CSMD1: variants seen among roughly 807,000 people sequenced by gnomAD.
CSMD1 encodes the protein CUB and Sushi multiple domains 1, also known as CUB and sushi domain-containing protein 1.
A neutral mutation model predicts 417.5 loss-of-function variants in CSMD1; 213 were observed. That is an observed-to-expected ratio of 0.51 (90% CI 0.46 to 0.57). The LOEUF is 0.57. Among genes scored for constraint, CSMD1 ranks in the 20% least tolerant of loss-of-function variants. The pLI, the probability that CSMD1 is intolerant of heterozygous loss-of-function variation, is 0.00. For missense variants in CSMD1, 6,923 were observed against 4,529.7 expected (o/e 1.53, Z -15.17); for synonymous variants, 2,862 against 1,736.8 (o/e 1.65, Z -16.11).
At chr8:4,239,116 G>C (rs1306775380) in intron 3 of CSMD1, among the ~76,000 whole-genome samples, 3 of 152,170 alleles carry the variant, frequency 2.0e-5, no homozygotes, top group Non-Finnish European at 4.4e-5. Context: ...GGGAGATTAT[G>C]TGGGTTAAAA....
At chr8:4,929,187 G>C (rs55755064) in intron 1 of CSMD1, among the ~76,000 whole-genome samples, 2 of 152,050 alleles carry the variant, frequency 1.3e-5, no homozygotes, top group South Asian at 2.1e-4. Flanking sequence ...CCTGCAAAGG[G>C]AACAGAGCAC....
intron 6 of CSMD1, among the ~76,000 whole-genome samples, chr8:3,710,772 C>T (rs145390590): frequency 1.0e-3 from 159 of 152,254 alleles, no homozygotes; most frequent in East Asian, 9.5e-3. Flanking sequence ...AATTATGACA[C>T]CGCCAGCTCA....
intron 38 of CSMD1, among the ~76,000 whole-genome samples, chr8:3,159,677 A>C (rs1240065487): frequency 1.3e-5 from 2 of 152,240 alleles, no homozygotes; most frequent in Non-Finnish European, 2.9e-5. Context: ...TTGCAAACTC[A>C]AAGCTTGGCA....
chr8:3,181,837 C>T (rs780181911), intron 36 of CSMD1, among the ~76,000 whole-genome samples: 8 of 152,156 alleles, frequency 5.3e-5, no homozygotes, highest in Non-Finnish European at 1.0e-4. Context: ...AAGGGCAATA[C>T]AGATACCGAG....
intron 3 of CSMD1, among the ~76,000 whole-genome samples, chr8:4,270,946 G>C (rs973397745): frequency 1.3e-5 from 2 of 152,142 alleles, no homozygotes; most frequent in African/African-American, 2.4e-5. Context: ...TAGAGAGAGA[G>C]GGAGCACTTT....
At chr8:3,629,309 A>ATTATT (rs55894547) in intron 7 of CSMD1, among the ~76,000 whole-genome samples, 60,231 of 144,374 alleles carry the variant, frequency 0.42, 12,227 homozygotes, top group Middle Eastern at 0.59. Flanking sequence ...CTTACTTAAT[A>ATTATT]TTATTTTCTT....
At chr8:4,392,460 A>G (rs1324627670) in intron 3 of CSMD1, among the ~76,000 whole-genome samples, 6 of 152,174 alleles carry the variant, frequency 3.9e-5, no homozygotes, top group Non-Finnish European at 8.8e-5. Flanking sequence ...AAGAATTATC[A>G]GTCCATTGGC....
At chr8:3,675,259 A>T (rs1477454130) in intron 7 of CSMD1, among the ~76,000 whole-genome samples, 2 of 152,126 alleles carry the variant, frequency 1.3e-5, no homozygotes, top group African/African-American at 4.8e-5. Flanking sequence ...CCTGGCTGGC[A>T]TGTGCGTGCC....
intron 3 of CSMD1, among the ~76,000 whole-genome samples, chr8:4,103,483 CAT>C (rs1251857001): frequency 6.7e-6 from 1 of 150,342 alleles, no homozygotes; most frequent in African/African-American, 2.4e-5. Flanking sequence ...AAGGGTTTTA[CAT>C]ATATATAAAT....
At chr8:3,120,845 CAAAT>C (rs1563063972) in intron 41 of CSMD1, among the ~76,000 whole-genome samples, 1 of 151,878 alleles carries the variant, frequency 6.6e-6, no homozygotes, top group African/African-American at 2.4e-5. Context: ...GACTCCATCA[CAAAT>C]AAATAAATAA....
intron 2 of CSMD1, among the ~76,000 whole-genome samples, chr8:4,544,289 G>C (rs756679171): frequency 1.3e-5 from 2 of 152,074 alleles, no homozygotes; most frequent in African/African-American, 4.8e-5. Flanking sequence ...GTTACTGTTT[G>C]TAAGAGGTCT....
intron 2 of CSMD1, among the ~76,000 whole-genome samples, chr8:4,556,844 G>C (rs1037845601): frequency 2.0e-5 from 3 of 152,090 alleles, no homozygotes; most frequent in South Asian, 2.1e-4. Flanking sequence ...TAGGATTTGG[G>C]ATGTGTAACT....
At chr8:3,533,781 A>T (rs1415085848) in intron 10 of CSMD1, among the ~76,000 whole-genome samples, 1 of 152,154 alleles carries the variant, frequency 6.6e-6, no homozygotes, top group African/African-American at 2.4e-5. Flanking sequence ...TTACTCTTGT[A>T]ACTATCACAA....
rs776738987 is a variant in CSMD1 at position 3,396,241 on chromosome 8, G to C, written c.2546C>G (p.Thr849Ser). ...STGNFMYLLF[T>S]TDNSRSSIGF... ...GATGCTGGAGCGGCTGTTGTCAGTGGTGAACAGCAGGTACATGAAGTTCCC... is the reference window on the plus strand; with the variant it reads ...GATGCTGGAGCGGCTGTTGTCAGTGCTGAACAGCAGGTACATGAAGTTCCC... Residue 849 changes from threonine (T) to serine (S), a missense_variant, in exon 17 of 70, where the codon ACC (threonine) becomes AGC (serine). Thr to Ser is a moderately conservative substitution (Grantham distance 58, BLOSUM62 1). Coordinates refer to ENST00000635120, the MANE Select transcript of CSMD1 (RefSeq NM_033225.6). The C allele has an allele frequency of 6.3e-7, 1 of 1,575,946 alleles. No homozygotes were observed. Among genetic ancestry groups the C allele is most frequent in the Non-Finnish European group, 8.6e-7 (1 of 1,160,646 alleles).
At chr8:3,380,777 A>C (rs781229992) in intron 18 of CSMD1, among the ~76,000 whole-genome samples, 1 of 152,132 alleles carries the variant, frequency 6.6e-6, no homozygotes, top group African/African-American at 2.4e-5. Flanking sequence ...GCATTAGAAG[A>C]AATACCTAAT....
At chr8:4,940,690 C>A (rs557826370) in intron 1 of CSMD1, among the ~76,000 whole-genome samples, 1 of 152,304 alleles carries the variant, frequency 6.6e-6, no homozygotes, top group South Asian at 2.1e-4. Context: ...CTTACAAGAT[C>A]AAATCAACCA....
chr8:3,751,023 G>C (rs1474852244), intron 6 of CSMD1, among the ~76,000 whole-genome samples: 1 of 152,080 alleles, frequency 6.6e-6, no homozygotes, highest in Non-Finnish European at 1.5e-5. Context: ...TCAGAGGGTG[G>C]TGTCTAGTAC....
intron 3 of CSMD1, among the ~76,000 whole-genome samples, chr8:4,255,057 T>A (rs1803359155): frequency 6.6e-6 from 1 of 152,200 alleles, no homozygotes; most frequent in African/African-American, 2.4e-5. Flanking sequence ...CAAGCAATTC[T>A]CAGCCTTTTT....
At chr8:4,436,095 G>C (rs1798134334) in intron 2 of CSMD1, among the ~76,000 whole-genome samples, 1 of 152,048 alleles carries the variant, frequency 6.6e-6, no homozygotes, top group South Asian at 2.1e-4. Flanking sequence ...AAACCAACAT[G>C]TCCAACTGAG....
Sources: allele counts gnomAD v4.1 joint callset (sites outside exome capture counted in the v4.1 genomes callset), GRCh38; gene constraint gnomAD v4.1.1; transcripts MANE v1.5; gene names NCBI Gene and HGNC (gene_info 2026-07-23, HGNC 2026-07-21).